TGIF1: variants seen among roughly 807,000 people sequenced by gnomAD.
The protein encoded by TGIF1 is TGFB induced factor homeobox 1.
A neutral mutation model predicts 19.3 loss-of-function variants in TGIF1; 4 were observed. The observed-to-expected ratio is 0.21, with a 90% CI of 0.10 to 0.47. The LOEUF (loss-of-function observed/expected upper bound fraction) is 0.47, where lower values mean the gene tolerates loss of function less well. Among genes scored for constraint, TGIF1 ranks in the 20% least tolerant of loss-of-function variants. The probability of loss-of-function intolerance (pLI) is 0.98; values close to 1 mark genes in which losing one functional copy is unlikely to be tolerated. For synonymous variants in TGIF1, 122 were observed against 129.3 expected (o/e 0.94, Z 0.38); for missense variants, 275 against 341.4 (o/e 0.81, Z 1.53).
intron 2 of TGIF1, among the ~76,000 whole-genome samples, chr18:3,428,542 C>T (rs916635010): frequency 1.4e-4 from 21 of 151,558 alleles, no homozygotes; most frequent in African/African-American, 4.9e-4. Context: ...TCGACACCAT[C>T]CTGACCAACA....
chr18:3,447,640 C>A, upstream of TGIF1: 1 of 1,312,216 alleles, frequency 7.6e-7, no homozygotes. Flanking sequence ...AGTGGGGGTG[C>A]ATCTACGGGA....
intron 2 of TGIF1, among the ~76,000 whole-genome samples, chr18:3,420,759 T>G (rs979976946): frequency 6.6e-5 from 10 of 152,234 alleles, no homozygotes; most frequent in Admixed American, 5.9e-4. Context: ...AGTTCACATG[T>G]CAGGCCCTTA....
At chr18:3,427,009 C>T (rs1462195375) in intron 2 of TGIF1, among the ~76,000 whole-genome samples, 9 of 151,022 alleles carry the variant, frequency 6.0e-5, no homozygotes, top group Non-Finnish European at 1.3e-4. Flanking sequence ...CTGCAACCTC[C>T]GCCTCCCGGG....
intron 2 of TGIF1, among the ~76,000 whole-genome samples, chr18:3,441,299 T>C (rs2082675631): frequency 1.3e-5 from 2 of 152,228 alleles, no homozygotes; most frequent in African/African-American, 4.8e-5. Flanking sequence ...AAAGTACTTA[T>C]AAACATTTAT....
At chr18:3,432,022 G>A (rs1351055399) in intron 2 of TGIF1, among the ~76,000 whole-genome samples, 3 of 151,704 alleles carry the variant, frequency 2.0e-5, no homozygotes, top group African/African-American at 7.3e-5. Context: ...CAGCTACTTG[G>A]GAGGCTGAGG....
At position 3,457,238 on chromosome 18, in the gene TGIF1, C is replaced by A; in HGVS notation, c.244-127C>A. ...ATACCTTGAAATAACATTGTAAATT[C>A]AGATAAGGCTTTTCATGCTTTCTTT... On this transcript the variant is annotated intron_variant, in intron 2 of 2. Transcript: ENST00000343820. The surrounding 1 kb of genome is among the most constrained non-coding windows in gnomAD (Gnocchi z 4.9). 1 of 1,058,560 alleles carries A rather than the reference C, an allele frequency of 9.4e-7. No homozygotes were observed. Among genetic ancestry groups the A allele is most frequent in the Non-Finnish European group, 1.4e-6 (1 of 710,874 alleles). 65.6% of individuals were successfully genotyped at this position (1,058,560 alleles called of 1,614,324 possible).
intron 2 of TGIF1, among the ~76,000 whole-genome samples, chr18:3,426,610 T>C (rs2143166212): frequency 6.6e-6 from 1 of 152,304 alleles, no homozygotes; most frequent in Non-Finnish European, 1.5e-5. Flanking sequence ...GCTAATACTG[T>C]GGAGAAAGAA....
intron 1 of TGIF1, among the ~76,000 whole-genome samples, chr18:3,416,757 C>G (rs1175393740): frequency 6.6e-6 from 1 of 151,944 alleles, no homozygotes; most frequent in Non-Finnish European, 1.5e-5. Flanking sequence ...CATGGTGAAT[C>G]CCCATCTCTA....
upstream of TGIF1, among the ~76,000 whole-genome samples, chr18:3,447,234 G>T (rs2082759696): frequency 6.6e-6 from 1 of 151,640 alleles, no homozygotes; most frequent in South Asian, 2.1e-4. Context: ...AGTAGCCTCC[G>T]CCAGCACCAA....
At chr18:3,452,131 G>T (rs754129491) in intron 1 of TGIF1, 4 of 1,613,476 alleles carry the variant, frequency 2.5e-6, no homozygotes, top group Non-Finnish European at 1.7e-6. Context: ...GCGTCCCCCC[G>T]ACTCTCCCGC....
rs1385573450 is a variant in TGIF1 at position 3,457,494 on chromosome 18, T to C, written c.373T>C (p.Ser125Pro). The change falls in exon 3 of 3, where the codon TCC becomes CCC. Residue 125 changes from serine (S) to proline (P), a missense_variant. Coordinates refer to ENST00000343820, the MANE Select transcript of TGIF1 (RefSeq NM_003244.4). The surrounding 1 kb of genome is among the most constrained non-coding windows in gnomAD (Gnocchi z 4.9). Reference sequence around the variant, plus strand: ...GATTTCTGAAACGAGCTCTGTGGAGTCCGTGATGGGCATCAAAAACTTCAT... The same window carrying C: ...GATTTCTGAAACGAGCTCTGTGGAGCCCGTGATGGGCATCAAAAACTTCAT... ...AKISETSSVE[S>P]VMGIKNFMPA... The C allele has an allele frequency of 6.2e-7, 1 of 1,614,116 alleles. No individual in the cohort carries two copies. The highest frequency in any genetic ancestry group is 2.2e-5 in the East Asian group (1 of 44,884).
chr18:3,457,180 C>A lies in TGIF1; in HGVS notation c.244-185C>A. 1.4e-6 allele frequency: 1 copy of A among 701,292 alleles called. No individual in the cohort carries two copies. The highest frequency in any genetic ancestry group is 2.4e-6 in the Non-Finnish European group (1 of 416,288). 43.4% of individuals were successfully genotyped at this position (701,292 alleles called of 1,614,324 possible). On this transcript the variant is annotated intron_variant, in intron 2 of 2. Transcript: ENST00000343820. The surrounding 1 kb of genome is among the most constrained non-coding windows in gnomAD (Gnocchi z 4.9). ...GTATTAGAAACTAGAAGGCTTATGA[C>A]AGGTGGTAGCTTGCTTTCTTGGCGG...
chr18:3,444,314 T>G (rs1018978772), intron 2 of TGIF1, among the ~76,000 whole-genome samples: 1 of 146,974 alleles, frequency 6.8e-6, no homozygotes, highest in East Asian at 2.0e-4. Context: ...CTTTTTAAAA[T>G]TTTTTAACTT....
At chr18:3,427,820 G>T (rs1430080423) in intron 2 of TGIF1, among the ~76,000 whole-genome samples, 3 of 151,554 alleles carry the variant, frequency 2.0e-5, no homozygotes, top group African/African-American at 7.3e-5. Context: ...GGATGGTCTC[G>T]AACTCTTGAC....
At chr18:3,425,977 G>A (rs777135125) in intron 2 of TGIF1, among the ~76,000 whole-genome samples, 4 of 150,946 alleles carry the variant, frequency 2.6e-5, no homozygotes, top group African/African-American at 4.9e-5. Flanking sequence ...CCCTGCCCCC[G>A]CCCCATATTT....
At chr18:3,441,664 A>G (rs1007994487) in intron 2 of TGIF1, among the ~76,000 whole-genome samples, 2 of 152,186 alleles carry the variant, frequency 1.3e-5, no homozygotes, top group Non-Finnish European at 1.5e-5. Context: ...TTACTTTTAC[A>G]TTTCATTCAG....
chr18:3,438,277 G>A (rs1020703112), intron 2 of TGIF1, among the ~76,000 whole-genome samples: 12 of 151,968 alleles, frequency 7.9e-5, no homozygotes, highest in African/African-American at 1.2e-4. Context: ...TGGGATTCTC[G>A]TGAAGCAAAA....
intron 2 of TGIF1, among the ~76,000 whole-genome samples, chr18:3,419,377 C>G (rs190853884): frequency 6.6e-6 from 1 of 152,282 alleles, no homozygotes. Flanking sequence ...ATTTCTGGAC[C>G]TTATTGAGAA....
At chr18:3,448,715 GTCTTTTTTTT>G (rs2082802646), upstream of TGIF1, 78 of 432,090 alleles carry the variant, frequency 1.8e-4, no homozygotes, top group Non-Finnish European at 2.1e-4. Context: ...GGGCGGGGGT[GTCTTTTTTTT>G]TTTTTTTTTT....
Sources: allele counts gnomAD v4.1 joint callset (sites outside exome capture counted in the v4.1 genomes callset), GRCh38; gene constraint gnomAD v4.1.1; non-coding constraint Gnocchi (gnomAD v3.1); transcripts MANE v1.5; gene names NCBI Gene and HGNC (gene_info 2026-07-23, HGNC 2026-07-21).